ANO1: variants seen among roughly 807,000 people sequenced by gnomAD.
ANO1 encodes anoctamin 1.
ANO1 carries 59 observed loss-of-function variants against 124.0 expected under a neutral mutation model. The ratio of observed to expected loss-of-function variants is 0.48; its 90% CI spans 0.39 to 0.59. The LOEUF (loss-of-function observed/expected upper bound fraction) is 0.59. Among genes scored for constraint, ANO1 ranks in the 20% least tolerant of loss-of-function variants. The pLI, the probability that ANO1 is intolerant of heterozygous loss-of-function variation, is 0.00. For missense variants in ANO1, 1,059 were observed against 1,328.0 expected (o/e 0.80, Z 3.15); for synonymous variants, 529 against 532.0 (o/e 0.99, Z 0.08).
Position 69,991,243 on chromosome 11 carries a change from A to G in ANO1, c.58+5077A>G, listed in dbSNP as rs559071086. 5.3e-5 allele frequency among the ~76,000 whole-genome samples: 8 copies of G among 152,372 alleles called. No homozygotes were observed. In the South Asian group the frequency reaches 1.0e-3, roughly 20 times the overall value. On this transcript the variant is annotated intron_variant, in intron 1 of 27. Coordinates refer to the ANO1 transcript ENST00000531349. ...GTTCTGTAGGGGTTTGCTTTTGAGCATGTTAATAATTACAACAATCACAAA... is the reference window on the plus strand; with the variant it reads ...GTTCTGTAGGGGTTTGCTTTTGAGCGTGTTAATAATTACAACAATCACAAA...
intron 4 of ANO1, among the ~76,000 whole-genome samples, chr11:70,105,432 A>G (rs1169411551): frequency 7.0e-6 from 1 of 143,354 alleles, no homozygotes; most frequent in Non-Finnish European, 1.5e-5. Context: ...TGTCATCAAA[A>G]GGAAGCAGGG....
intron 22 of ANO1, among the ~76,000 whole-genome samples, chr11:70,171,367 A>G (rs2048467361): frequency 7.2e-6 from 1 of 139,452 alleles, no homozygotes; most frequent in African/African-American, 2.7e-5. Flanking sequence ...GGCGACACCC[A>G]CCTGTAGCAA....
intron 20 of ANO1, among the ~76,000 whole-genome samples, 163 bp downstream of exon 20, chr11:70,165,733 AC>A (rs1383831004): frequency 6.6e-6 from 1 of 152,032 alleles, no homozygotes; most frequent in Non-Finnish European, 1.5e-5. Context: ...GGCAAAAGCC[AC>A]CCCAGGCCAG....
intron 21 of ANO1, 133 bp downstream of exon 21, chr11:70,167,520 G>T: frequency 7.7e-7 from 1 of 1,298,518 alleles, no homozygotes; most frequent in South Asian, 1.5e-5. Flanking sequence ...TAAGCATCAG[G>T]CAGGGAGAAG....
At chr11:70,028,106 C>G (rs1441722862) in intron 1 of ANO1, among the ~76,000 whole-genome samples, 1 of 152,136 alleles carries the variant, frequency 6.6e-6, no homozygotes, top group Non-Finnish European at 1.5e-5. Context: ...GAATAAGCGC[C>G]AATTCTGGTT....
rs766248688 is a variant in ANO1, at chr11:70,099,210, C to T, written c.442-3856C>T. The stretch of plus-strand genomic sequence containing the variant: ...GCGCTGGCTGGGGGCGAAGGGGACA[C>T]GGCTGTCACTCCCAGTGTCTTCCTG... On this transcript the variant is annotated intron_variant, in intron 2 of 25. Coordinates refer to ENST00000355303, the MANE Select transcript of ANO1 (RefSeq NM_018043.7). Among the ~76,000 whole-genome samples the T allele has an allele frequency of 3.9e-5, 6 of 152,196 alleles. No individual in the cohort carries two copies. In the South Asian group the frequency reaches 8.3e-4, roughly 21 times the overall value.
At chr11:70,126,264 C>T in intron 10 of ANO1, 69 bp downstream of exon 10, 2 of 1,536,466 alleles carry the variant, frequency 1.3e-6, no homozygotes, top group Non-Finnish European at 1.8e-6. Context: ...CCCAGCTGCA[C>T]AATTCATTGG....
intron 6 of ANO1, among the ~76,000 whole-genome samples, chr11:70,110,188 T>C (rs935109647): frequency 1.0e-4 from 15 of 145,826 alleles, no homozygotes; most frequent in East Asian, 4.0e-4. Context: ...CACTTTCTTT[T>C]TTTTTTTTTT....
chr11:70,106,238 A>T (rs2045540002), intron 5 of ANO1, among the ~76,000 whole-genome samples: 1 of 152,098 alleles, frequency 6.6e-6, no homozygotes, highest in Non-Finnish European at 1.5e-5. Context: ...TTGCCAGAGG[A>T]GCCAACTGAG....
At chr11:70,022,605 C>CA (rs56905685) in intron 1 of ANO1, among the ~76,000 whole-genome samples, 49,354 of 142,612 alleles carry the variant, frequency 0.35, 8,810 homozygotes, top group South Asian at 0.49. Flanking sequence ...GACTCCATCT[C>CA]AAAAAAAAAA....
intron 1 of ANO1, among the ~76,000 whole-genome samples, chr11:70,072,246 G>A (rs1426316710): frequency 3.3e-5 from 5 of 152,110 alleles, no homozygotes; most frequent in Admixed American, 6.5e-5. Flanking sequence ...CGTGAGGCCC[G>A]GAGTGTACAG....
intron 1 of ANO1, among the ~76,000 whole-genome samples, chr11:69,998,948 G>C (rs7125033): frequency 0.58 from 86,979 of 150,518 alleles, 26,671 homozygotes; most frequent in East Asian, 0.97. Context: ...AACTCTGTTT[G>C]AAAGAATAAA....
the ANO1 span, among the ~76,000 whole-genome samples, chr11:69,967,944 G>T: frequency 2.6e-5 from 4 of 152,224 alleles, no homozygotes; most frequent in African/African-American, 9.6e-5. Context: ...CACTCATGGA[G>T]TGGCTGCTGG....
intron 1 of ANO1, among the ~76,000 whole-genome samples, chr11:69,998,620 T>C (rs1856320346): frequency 6.6e-6 from 1 of 152,192 alleles, no homozygotes; most frequent in Admixed American, 6.5e-5. Flanking sequence ...TCAACTGGAA[T>C]CATTGGGTGT....
upstream of ANO1, chr11:70,078,205 AC>A (rs1005291107): frequency 6.5e-6 from 1 of 152,880 alleles, no homozygotes; most frequent in African/African-American, 2.4e-5. Context: ...GGAATGGAAT[AC>A]TTTTTCTTCC....
intron 1 of ANO1, among the ~76,000 whole-genome samples, chr11:70,053,435 T>C (rs782358281): frequency 1.3e-5 from 2 of 152,224 alleles, no homozygotes; most frequent in Non-Finnish European, 2.9e-5. Context: ...TTTAATTTGC[T>C]AAGAGTTCTT....
At chr11:70,159,700 C>T (rs924495365) in intron 16 of ANO1, among the ~76,000 whole-genome samples, 2 of 152,200 alleles carry the variant, frequency 1.3e-5, no homozygotes, top group African/African-American at 4.8e-5. Flanking sequence ...AGGGGACGCG[C>T]CCGCTGGGGT....
intron 11 of ANO1, among the ~76,000 whole-genome samples, chr11:70,147,555 C>T (rs555207517): frequency 2.0e-5 from 3 of 152,306 alleles, no homozygotes; most frequent in Non-Finnish European, 2.9e-5. Context: ...CATGGGGAGG[C>T]GCGTTCCCCA....
chr11:70,084,254 G>A (rs565926312), intron 1 of ANO1, among the ~76,000 whole-genome samples: 32 of 152,206 alleles, frequency 2.1e-4, no homozygotes, highest in East Asian at 7.7e-4. Flanking sequence ...AGCAGCTTCC[G>A]GTCGGGCTCT....
Sources: gnomAD v4.1 joint callset for allele counts (sites outside exome capture counted in the v4.1 genomes callset) on GRCh38, gnomAD v4.1.1 for gene constraint, MANE v1.5 for transcripts, NCBI Gene and HGNC (gene_info 2026-07-23, HGNC 2026-07-21) for gene names.